The following NRG3 variants were observed in gnomAD, a reference collection of about 807,000 sequenced individuals.
NRG3 encodes pro-neuregulin-3, membrane-bound isoform.
A neutral mutation model predicts 66.9 loss-of-function variants in NRG3; 31 were observed. The ratio of observed to expected loss-of-function variants is 0.46; its 90% confidence interval spans 0.35 to 0.63. The LOEUF (loss-of-function observed/expected upper bound fraction) is 0.63, where lower values mean the gene tolerates loss of function less well. Ranked by LOEUF, NRG3 falls within the 20% of genes least tolerant of loss-of-function variation. The pLI is 0.00. For synonymous variants in NRG3, 393 were observed against 359.4 expected, an observed-to-expected ratio of 1.09 and a Z score of -1.06; for missense variants, 910 against 878.9, an observed-to-expected ratio of 1.04 and a Z score of -0.45.
intron 1 of NRG3, among the ~76,000 whole-genome samples, chr10:82,266,336 A>C (rs987569363): frequency 1.1e-4 from 17 of 152,070 alleles, no homozygotes; most frequent in Non-Finnish European, 2.9e-5. Context: ...GAGTTGGAGA[A>C]TGCGGGTGGT....
At chr10:82,612,233 T>C (rs2048359379) in intron 2 of NRG3, among the ~76,000 whole-genome samples, 1 of 152,244 alleles carries the variant, frequency 6.6e-6, no homozygotes, top group Non-Finnish European at 1.5e-5. Context: ...ACTCTAATGA[T>C]AGTTTCTTTT....
At chr10:82,019,519 C>T (rs1340328771) in intron 1 of NRG3, among the ~76,000 whole-genome samples, 20 of 152,206 alleles carry the variant, frequency 1.3e-4, no homozygotes, top group South Asian at 2.1e-4. Flanking sequence ...ATGGTACCAG[C>T]TCCTCCTTGT....
At chr10:82,323,473 G>C (rs1188006480) in intron 1 of NRG3, among the ~76,000 whole-genome samples, 1 of 150,410 alleles carries the variant, frequency 6.6e-6, no homozygotes, top group African/African-American at 2.5e-5. Flanking sequence ...ACCTCACTTG[G>C]CCATGACATA....
intron 2 of NRG3, among the ~76,000 whole-genome samples, chr10:82,375,193 C>A (rs1481484987): frequency 6.6e-6 from 1 of 152,142 alleles, no homozygotes; most frequent in African/African-American, 2.4e-5. Context: ...ATCATCACAC[C>A]TCTGCAGGAC....
At chr10:82,183,686 C>T (rs2073596378) in intron 1 of NRG3, among the ~76,000 whole-genome samples, 1 of 152,016 alleles carries the variant, frequency 6.6e-6, no homozygotes, top group Non-Finnish European at 1.5e-5. Context: ...AGGTATTTGG[C>T]AATGTCTAGA....
intron 8 of NRG3, among the ~76,000 whole-genome samples, chr10:82,981,449 T>C (rs1251157926): frequency 2.0e-5 from 3 of 152,230 alleles, no homozygotes; most frequent in African/African-American, 7.2e-5. Flanking sequence ...CCCTGGGGAC[T>C]GACTGTCTCT....
chr10:82,900,064 C>A (rs1844059125), intron 4 of NRG3, among the ~76,000 whole-genome samples: 1 of 152,220 alleles, frequency 6.6e-6, no homozygotes, highest in African/African-American at 2.4e-5. Context: ...TGGCAGAAGG[C>A]AAAGGGGCAG....
chr10:81,979,514 G>A (rs2060255715), intron 1 of NRG3, among the ~76,000 whole-genome samples: 1 of 152,048 alleles, frequency 6.6e-6, no homozygotes, highest in African/African-American at 2.4e-5. Flanking sequence ...ATCCCACCTA[G>A]TTTTCTTTTT....
intron 3 of NRG3, among the ~76,000 whole-genome samples, chr10:82,795,476 C>T (rs2060762417): frequency 1.3e-5 from 2 of 152,078 alleles, no homozygotes; most frequent in Admixed American, 1.3e-4. Flanking sequence ...CTGATTCTTC[C>T]CCATGCTTTA....
Position 82,464,596 on chromosome 10 carries a change from C to T in NRG3, c.953+105728C>T, listed in dbSNP as rs538059688. 3.3e-5 allele frequency among the ~76,000 whole-genome samples: 5 copies of T among 152,238 alleles called. No individual in the cohort carries two copies. In the East Asian group the frequency reaches 7.8e-4, roughly 24 times the overall value. On this transcript the variant is annotated intron_variant, in intron 2 of 8. Coordinates refer to ENST00000372141, the MANE Select transcript of NRG3 (RefSeq NM_001010848.4). ...CTTGAGGCCTGGGTTTGGCCAAGAC[C>T]GCAGCCAGCAGCACCCTGGTCAGCA...
intron 2 of NRG3, among the ~76,000 whole-genome samples, chr10:82,692,002 C>A (rs1024667052): frequency 6.6e-6 from 1 of 152,074 alleles, no homozygotes; most frequent in Non-Finnish European, 1.5e-5. Flanking sequence ...TAACAATTGG[C>A]AGGCGCAGTG....
intron 2 of NRG3, among the ~76,000 whole-genome samples, chr10:82,505,745 T>C (rs1187684767): frequency 2.6e-5 from 4 of 152,306 alleles, no homozygotes; most frequent in Middle Eastern, 6.8e-3. Context: ...CTGATTTTGC[T>C]TTGTCCGGGA....
At chr10:82,496,933 TA>T (rs1290269126) in intron 2 of NRG3, among the ~76,000 whole-genome samples, 1 of 152,208 alleles carries the variant, frequency 6.6e-6, no homozygotes, top group Non-Finnish European at 1.5e-5. Context: ...TTTTCATATT[TA>T]ATATCTAAAT....
chr10:82,885,190 A>G (rs1842625589), intron 4 of NRG3, among the ~76,000 whole-genome samples: 1 of 152,164 alleles, frequency 6.6e-6, no homozygotes, highest in Non-Finnish European at 1.5e-5. Flanking sequence ...TCTTTTTTGG[A>G]AAATGTATGG....
At chr10:82,813,760 G>C (rs1157906101) in intron 3 of NRG3, among the ~76,000 whole-genome samples, 3 of 151,836 alleles carry the variant, frequency 2.0e-5, no homozygotes, top group African/African-American at 7.3e-5. Flanking sequence ...AGAATTTTGT[G>C]GTGGAGACCA....
At chr10:82,461,236 C>T (rs979581084) in intron 2 of NRG3, among the ~76,000 whole-genome samples, 1 of 148,012 alleles carries the variant, frequency 6.8e-6, no homozygotes, top group East Asian at 1.9e-4. Context: ...ACACCACCAC[C>T]ACCACCACCA....
intron 4 of NRG3, among the ~76,000 whole-genome samples, chr10:82,909,879 C>G (rs543481464): frequency 6.6e-6 from 1 of 152,234 alleles, no homozygotes; most frequent in East Asian, 1.9e-4. Flanking sequence ...AACCATCTTA[C>G]AGAAGTGTAT....
chr10:82,368,692 T>G (rs1335675800), intron 2 of NRG3, among the ~76,000 whole-genome samples: 5 of 138,260 alleles, frequency 3.6e-5, no homozygotes, highest in Non-Finnish European at 5.9e-5. Context: ...GAGAGAGAAT[T>G]ATGCAATATT....
intron 2 of NRG3, among the ~76,000 whole-genome samples, chr10:82,443,373 A>G (rs1470217076): frequency 6.6e-6 from 1 of 152,238 alleles, no homozygotes; most frequent in Non-Finnish European, 1.5e-5. Flanking sequence ...AAAATAAAAA[A>G]TAATTATGTT....
Sources: gnomAD v4.1 joint callset for allele counts (sites outside exome capture counted in the v4.1 genomes callset) on GRCh38, gnomAD v4.1.1 for gene constraint, MANE v1.5 for transcripts, NCBI Gene and HGNC (gene_info 2026-07-23, HGNC 2026-07-21) for gene names.